The following MYOCD variants were observed in gnomAD, a reference collection of about 807,000 sequenced individuals.
MYOCD encodes myocardin.
A neutral mutation model predicts 96.1 loss-of-function variants in MYOCD; 32 were observed. That is an observed-to-expected ratio of 0.33 (90% confidence interval 0.25 to 0.45). MYOCD has a LOEUF of 0.45. Among genes scored for constraint, MYOCD ranks in the 20% least tolerant of loss-of-function variants. The pLI, the probability that MYOCD is intolerant of heterozygous loss-of-function variation, is 1.00. For missense variants in MYOCD, 1,133 were observed against 1,200.6 expected, an observed-to-expected ratio of 0.94 and a Z score of 0.83; for synonymous variants, 469 against 469.0, an observed-to-expected ratio of 1.00 and a Z score of 0.00.
At chr17:12,756,383 G>A (rs779314756) in intron 10 of MYOCD, 31 bp from the exon 11 acceptor site, 2 of 1,551,806 alleles carry the variant, frequency 1.3e-6, no homozygotes, top group South Asian at 2.4e-5. Flanking sequence ...GCTGCTGCTG[G>A]CCATGTAATT....
chr17:12,685,961 T>C lies in MYOCD; in HGVS notation c.56-19167T>C, dbSNP rs1289349792. Among the ~76,000 whole-genome samples, 3 of 152,240 alleles carry C rather than the reference T, an allele frequency of 2.0e-5. No individual in the cohort carries two copies. In the South Asian group the frequency reaches 6.2e-4, roughly 31 times the overall value. On this transcript the variant is annotated intron_variant, in intron 1 of 13. Coordinates refer to ENST00000425538, the MANE Select transcript of MYOCD (RefSeq NM_001146312.3). ...ATCCCAAAGCCTTCTGGAGTCACCA[T>C]AGAAGTAATAGCTGTTCTAGTTGAC...
rs370729858 is a variant in MYOCD, at chr17:12,763,678, T to C, written c.*34T>C. On this transcript the variant is annotated 3_prime_UTR_variant, in exon 14 of 14. Coordinates refer to ENST00000425538, the MANE Select transcript of MYOCD (RefSeq NM_001146312.3). Reference sequence around the variant, plus strand: ...ATGCACCAGTGCTATGGAAGACCAATGGAGTTCCATGGGGGAAAGCACACA... The same window carrying C: ...ATGCACCAGTGCTATGGAAGACCAACGGAGTTCCATGGGGGAAAGCACACA... The C allele has an allele frequency of 2.6e-6, 4 of 1,547,516 alleles. No homozygotes were observed. The highest frequency in any genetic ancestry group is 2.6e-6 in the Non-Finnish European group (3 of 1,136,592).
At chr17:12,735,245 A>T (rs866385958) in intron 5 of MYOCD, among the ~76,000 whole-genome samples, 1 of 152,370 alleles carries the variant, frequency 6.6e-6, no homozygotes, top group Middle Eastern at 3.4e-3. Flanking sequence ...TTTAGCGCAG[A>T]GCAGTCCCTG....
At position 12,744,296 on chromosome 17, in the gene MYOCD, G is replaced by A. The variant is rs77785719; in HGVS notation, c.831G>A (p.Lys277=). 4,496 of 1,614,152 alleles carry A rather than the reference G, an allele frequency of 2.8e-3. 13 individuals are homozygous for A. The highest frequency in any genetic ancestry group is 3.5e-3 in the Non-Finnish European group (4,186 of 1,180,020). The change falls in exon 8 of 14, where the codon AAG becomes AAA. Residue 277 remains lysine, a synonymous_variant. Transcript: ENST00000425538. ...QYIPPDQKAE[K]SPPPMDSAYA... is the part of the protein sequence containing the mutation. ...TTCCCCCAGACCAGAAGGCAGAGAA[G>A]TCCCCTCCACCTATGGACTCAGCCT... is the stretch of plus-strand genomic sequence containing the variant.
At chr17:12,699,796 C>T (rs1007162684) in intron 1 of MYOCD, among the ~76,000 whole-genome samples, 1 of 151,830 alleles carries the variant, frequency 6.6e-6, no homozygotes, top group African/African-American at 2.4e-5. Flanking sequence ...AATGCATATA[C>T]GCAGATATAG....
In MYOCD at chr17:12,692,864, C is replaced by A. The variant is rs541992455; in HGVS notation, c.56-12264C>A. Among the ~76,000 whole-genome samples, 411 of 152,248 alleles carry A rather than the reference C, an allele frequency of 2.7e-3. 2 individuals carry two copies. Among genetic ancestry groups the A allele is most frequent in the Middle Eastern group, 6.8e-3 (2 of 294 alleles). On this transcript the variant is annotated intron_variant, in intron 1 of 13. Coordinates refer to ENST00000425538, the MANE Select transcript of MYOCD (RefSeq NM_001146312.3). ...CCCACCTATCTGTACATAGCAATAA[C>A]CTTAATATTAACAACAAATAATAGT... is the stretch of plus-strand genomic sequence containing the variant.
intron 5 of MYOCD, among the ~76,000 whole-genome samples, chr17:12,726,219 G>T (rs1158889855): frequency 2.0e-5 from 3 of 152,080 alleles, no homozygotes; most frequent in Non-Finnish European, 2.9e-5. Context: ...CTACAGCGAG[G>T]GTGGCACTTT....
chr17:12,711,811 T>C (rs1449519739), intron 2 of MYOCD, among the ~76,000 whole-genome samples: 1 of 152,146 alleles, frequency 6.6e-6, no homozygotes, highest in Non-Finnish European at 1.5e-5. Context: ...GTTCTGAAGC[T>C]TTTGCATCAG....
intron 1 of MYOCD, among the ~76,000 whole-genome samples, chr17:12,679,034 C>A (rs1270777509): frequency 6.6e-6 from 1 of 152,078 alleles, no homozygotes; most frequent in Non-Finnish European, 1.5e-5. Flanking sequence ...GGTCACCCAG[C>A]AGATTCAGAC....
chr17:12,739,655 A>C (rs910165339), intron 7 of MYOCD, among the ~76,000 whole-genome samples: 1 of 152,234 alleles, frequency 6.6e-6, no homozygotes, highest in Non-Finnish European at 1.5e-5. Context: ...CAGGATTTGC[A>C]AGTTTCATAA....
At chr17:12,749,717 A>ATG (rs1555535150) in intron 9 of MYOCD, among the ~76,000 whole-genome samples, 4 of 147,672 alleles carry the variant, frequency 2.7e-5, no homozygotes, top group African/African-American at 9.9e-5. Flanking sequence ...GTGTATATAT[A>ATG]TGTGTGTGTG....
intron 5 of MYOCD, among the ~76,000 whole-genome samples, chr17:12,734,304 A>T (rs1240054895): frequency 6.6e-6 from 1 of 152,016 alleles, no homozygotes; most frequent in East Asian, 1.9e-4. Flanking sequence ...TGCTGGGCAG[A>T]GAAGACTGGC....
At chr17:12,735,369 T>C (rs2032311241) in intron 5 of MYOCD, among the ~76,000 whole-genome samples, 1 of 144,858 alleles carries the variant, frequency 6.9e-6, no homozygotes, top group African/African-American at 2.6e-5. Flanking sequence ...TAGTCCCATC[T>C]GGTGTGATAA....
chr17:12,700,474 CG>C (rs202019627), intron 1 of MYOCD, among the ~76,000 whole-genome samples: 2,579 of 122,696 alleles, frequency 0.021, 25 homozygotes, highest in Middle Eastern at 0.034. Context: ...AGTGCAGTGG[CG>C]CGATCTCAGC....
At chr17:12,748,076 C>T (rs564060963) in intron 9 of MYOCD, among the ~76,000 whole-genome samples, 9 of 147,540 alleles carry the variant, frequency 6.1e-5, no homozygotes, top group African/African-American at 2.0e-4. Flanking sequence ...GCGGGAGAAT[C>T]GCTTGAACCC....
chr17:12,695,831 A>G (rs1227653780), intron 1 of MYOCD, among the ~76,000 whole-genome samples: 1 of 152,012 alleles, frequency 6.6e-6, no homozygotes, highest in Non-Finnish European at 1.5e-5. Context: ...GTTTGCATTA[A>G]ACTATAACCC....
chr17:12,759,141 G>A (rs541886207), intron 12 of MYOCD, among the ~76,000 whole-genome samples: 168 of 152,278 alleles, frequency 1.1e-3, no homozygotes, highest in African/African-American at 3.7e-3. Context: ...CCCTTCATAT[G>A]TGCTCAACCC....
At chr17:12,733,761 G>A (rs1299374050) in intron 5 of MYOCD, among the ~76,000 whole-genome samples, 2 of 152,010 alleles carry the variant, frequency 1.3e-5, no homozygotes, top group African/African-American at 4.8e-5. Flanking sequence ...CAGCTACTTG[G>A]GAGGCTGAGG....
intron 4 of MYOCD, 111 bp downstream of exon 4, chr17:12,717,532 C>A: frequency 2.4e-6 from 2 of 845,396 alleles, no homozygotes; most frequent in Non-Finnish European, 3.7e-6. Context: ...TCTCCCTTGC[C>A]GTTACAAAGT....
Sources: allele counts gnomAD v4.1 joint callset (sites outside exome capture counted in the v4.1 genomes callset), GRCh38; gene constraint gnomAD v4.1.1; transcripts MANE v1.5; gene names NCBI Gene and HGNC (gene_info 2026-07-23, HGNC 2026-07-21).